SPPL2A: variants seen among roughly 807,000 people sequenced by gnomAD.
SPPL2A encodes signal peptide peptidase like 2A.
A neutral mutation model predicts 63.8 loss-of-function variants in SPPL2A; 51 were observed. The observed-to-expected ratio is 0.80, with a 90% CI of 0.64 to 1.01. The LOEUF (loss-of-function observed/expected upper bound fraction) is 1.01. Among genes scored for constraint, SPPL2A ranks in the 50% least tolerant of loss-of-function variants. SPPL2A has a pLI of 0.00. For missense variants in SPPL2A, 553 were observed against 622.7 expected (o/e 0.89, Z 1.19); for synonymous variants, 188 against 205.8 (o/e 0.91, Z 0.74).
At chr15:50,747,772 ATATTC>A (rs1233417702) in intron 4 of SPPL2A, 144 bp from the exon 5 acceptor site, 1 of 635,794 alleles carries the variant, frequency 1.6e-6, no homozygotes, top group East Asian at 2.8e-5. Flanking sequence ...ATGACATGAT[ATATTC>A]TCTAGTCAAA....
chr15:50,709,596 C>A (rs1373544267), intron 14 of SPPL2A, among the ~76,000 whole-genome samples: 1 of 152,020 alleles, frequency 6.6e-6, no homozygotes, highest in Non-Finnish European at 1.5e-5. Context: ...TCGGGACCAG[C>A]CTGGCCAACA....
rs1388716548 is a variant in SPPL2A, at chr15:50,748,709, T to G, written c.339A>C (p.Leu113Phe). The G allele has an allele frequency of 6.2e-7, 1 of 1,603,958 alleles. No individual in the cohort carries two copies. Among genetic ancestry groups the G allele is most frequent in the African/African-American group, 1.3e-5 (1 of 74,338 alleles). ...TTACTAGGACACTGTTATTGACAAC[T>G]AACATTGCTTCAGCACCTCCTTTCT... ...IAQKGGAEAM[L>F]VVNNSVLFPP... is the part of the protein sequence containing the mutation. The change falls in exon 3 of 15, where the codon TTA becomes TTC. Residue 113 changes from leucine to phenylalanine, a missense_variant. Physicochemically the swap from Leu to Phe is conservative, Grantham distance 22. Transcript: ENST00000261854.
chr15:50,730,960 C>A lies in SPPL2A; in HGVS notation c.1089+5G>T. On this transcript the variant is annotated splice_donor_5th_base_variant and intron_variant, in intron 10 of 14. Transcript: ENST00000261854. The stretch of plus-strand genomic sequence containing the variant: ...TCTTCACCCATTTCAAAAATATGGT[C>A]ATACCTTTGTGATGAATGGTGTTAT... The A allele has an allele frequency of 3.3e-6, 4 of 1,219,382 alleles. No individual in the cohort carries two copies. In the South Asian group the frequency reaches 4.9e-5, roughly 15 times the overall value. The allele number at this position is 1,219,382 out of a possible 1,614,324, so 75.5% of individuals were successfully genotyped here.
intron 1 of SPPL2A, 78 bp from the exon 2 acceptor site, chr15:50,749,824 T>C (rs1242476153): frequency 1.2e-6 from 1 of 841,946 alleles, no homozygotes; most frequent in Non-Finnish European, 2.1e-6. Context: ...AAGCTATTTA[T>C]ATGCAGGGTT....
intron 5 of SPPL2A, among the ~76,000 whole-genome samples, chr15:50,740,442 A>G (rs1264587490): frequency 6.7e-6 from 1 of 148,904 alleles, no homozygotes; most frequent in African/African-American, 2.4e-5. Context: ...AAAAAAAAAA[A>G]AAAGAAAAAA....
chr15:50,747,091 T>G (rs1226918723), intron 5 of SPPL2A, among the ~76,000 whole-genome samples: 2 of 152,182 alleles, frequency 1.3e-5, no homozygotes, highest in Non-Finnish European at 2.9e-5. Context: ...TTAGAATTCC[T>G]AAAGCATTAA....
intron 14 of SPPL2A, among the ~76,000 whole-genome samples, chr15:50,708,993 T>G (rs942359591): frequency 6.6e-6 from 1 of 151,378 alleles, no homozygotes; most frequent in African/African-American, 2.4e-5. Context: ...GCCGAGATCG[T>G]GCTACTGCGC....
intron 8 of SPPL2A, among the ~76,000 whole-genome samples, chr15:50,733,130 G>A (rs769314732): frequency 1.3e-4 from 20 of 152,214 alleles, no homozygotes; most frequent in Non-Finnish European, 1.8e-4. Flanking sequence ...AACACGTCTC[G>A]CTCTAGAAAA....
intron 5 of SPPL2A, among the ~76,000 whole-genome samples, chr15:50,740,367 T>C (rs1237853272): frequency 2.2e-5 from 3 of 134,556 alleles, no homozygotes; most frequent in Non-Finnish European, 4.6e-5. Flanking sequence ...GCGGAGGTTG[T>C]GGTGACCTGA....
chr15:50,747,416 A>T, intron 5 of SPPL2A, 79 bp downstream of exon 5: 1 of 1,258,704 alleles, frequency 7.9e-7, no homozygotes, highest in Admixed American at 2.1e-5. Flanking sequence ...ATAAATTTTT[A>T]AATGTTGTTA....
chr15:50,744,000 C>T (rs913365598), intron 5 of SPPL2A, among the ~76,000 whole-genome samples: 2 of 151,622 alleles, frequency 1.3e-5, no homozygotes, highest in African/African-American at 4.8e-5. Context: ...CATGGCGAAA[C>T]CCCATCTCTA....
At chr15:50,731,931 A>AG (rs1298716432) in intron 9 of SPPL2A, among the ~76,000 whole-genome samples, 1 of 126,330 alleles carries the variant, frequency 7.9e-6, no homozygotes, top group African/African-American at 2.9e-5. Flanking sequence ...CCATCTCAAA[A>AG]AAAAAAAAAA....
At chr15:50,745,940 A>C (rs545065597) in intron 5 of SPPL2A, among the ~76,000 whole-genome samples, 2 of 152,082 alleles carry the variant, frequency 1.3e-5, no homozygotes, top group African/African-American at 4.8e-5. Context: ...AATCCCAGCT[A>C]CTAAAGAGGC....
At chr15:50,749,443 A>T (rs1160707904) in intron 2 of SPPL2A, among the ~76,000 whole-genome samples, 193 bp downstream of exon 2, 2 of 152,048 alleles carry the variant, frequency 1.3e-5, no homozygotes, top group Non-Finnish European at 2.9e-5. Flanking sequence ...GCCTGCCACC[A>T]CACCCAGCTA....
intron 6 of SPPL2A, 119 bp from the exon 7 acceptor site, chr15:50,736,859 C>G (rs1400498658): frequency 1.9e-6 from 1 of 538,882 alleles, no homozygotes; most frequent in African/African-American, 1.9e-5. Flanking sequence ...AATGAAGTGA[C>G]TATACGATGA....
At chr15:50,725,739 C>G (rs77367895) in intron 11 of SPPL2A, among the ~76,000 whole-genome samples, 1 of 152,124 alleles carries the variant, frequency 6.6e-6, no homozygotes, top group Non-Finnish European at 1.5e-5. Flanking sequence ...CCACCCATAT[C>G]TTCTAGAAAT....
rs1460056808 is a variant in SPPL2A at position 50,735,683 on chromosome 15, C to T, written c.932+418G>A. Among the ~76,000 whole-genome samples the T allele has an allele frequency of 5.3e-5, 8 of 152,212 alleles. No homozygotes were observed. The South Asian group carries it at 1.5e-3, about 28-fold the overall frequency. ...CTCCGCCTCCCGGGTTCAAGCGATT[C>T]TCCTGCCTCAGCCTCCCGAGTAGCT... On this transcript the variant is annotated intron_variant, in intron 8 of 14. Coordinates refer to ENST00000261854, the MANE Select transcript of SPPL2A (RefSeq NM_032802.4).
At chr15:50,735,524 C>T (rs906473838) in intron 8 of SPPL2A, among the ~76,000 whole-genome samples, 4 of 137,034 alleles carry the variant, frequency 2.9e-5, no homozygotes, top group South Asian at 2.4e-4. Flanking sequence ...TACATATATA[C>T]ACACACACAC....
chr15:50,733,281 G>A (rs1396809490), intron 8 of SPPL2A, among the ~76,000 whole-genome samples: 1 of 152,150 alleles, frequency 6.6e-6, no homozygotes, highest in Non-Finnish European at 1.5e-5. Flanking sequence ...GCATAAAGCT[G>A]TATGAGCTTT....
Sources: gnomAD v4.1 joint callset for allele counts (sites outside exome capture counted in the v4.1 genomes callset) on GRCh38, gnomAD v4.1.1 for gene constraint, MANE v1.5 for transcripts, NCBI Gene and HGNC (gene_info 2026-07-23, HGNC 2026-07-21) for gene names.